Variants in DPP6 observed in about 807,000 individuals in gnomAD.
The protein encoded by DPP6 is A-type potassium channel modulatory protein DPP6.
Under a neutral mutation model 122.6 loss-of-function variants are expected in DPP6, and 69 were observed. That is an observed-to-expected ratio of 0.56 (90% CI 0.46 to 0.69). The LOEUF is 0.69. Among genes scored for constraint, DPP6 ranks in the 30% least tolerant of loss-of-function variants. The probability of loss-of-function intolerance (pLI) is 0.00; values close to 1 mark genes in which losing one functional copy is unlikely to be tolerated. For missense variants in DPP6, 928 were observed against 1,116.9 expected (o/e 0.83, Z 2.41); for synonymous variants, 418 against 433.1 (o/e 0.97, Z 0.43).
intron 1 of DPP6, among the ~76,000 whole-genome samples, chr7:154,422,965 T>C (rs1400232545): frequency 2.0e-5 from 3 of 152,174 alleles, no homozygotes; most frequent in Non-Finnish European, 4.4e-5. Context: ...TCTAGCTGTG[T>C]TGAAGCCCCC....
chr7:154,144,725 T>A (rs563614123), intron 1 of DPP6, among the ~76,000 whole-genome samples: 2 of 152,260 alleles, frequency 1.3e-5, no homozygotes, highest in African/African-American at 4.8e-5. Context: ...TTTTTTAGGG[T>A]TACATGATGT....
At chr7:154,164,180 TCCCTGCCCTG>T (rs541105536) in intron 1 of DPP6, among the ~76,000 whole-genome samples, 2 of 148,412 alleles carry the variant, frequency 1.3e-5, no homozygotes, top group African/African-American at 2.6e-5. Context: ...CTAAGAGTCT[TCCCTGCCCTG>T]CCCTGCCCTG....
At chr7:154,009,593 C>T (rs1265858478) in intron 1 of DPP6, among the ~76,000 whole-genome samples, 1 of 152,062 alleles carries the variant, frequency 6.6e-6, no homozygotes, top group Non-Finnish European at 1.5e-5. Flanking sequence ...TGATGTTCTC[C>T]ACTCTTGTGT....
In DPP6 at chr7:154,893,451, T is replaced by TAAAAAAAAAAAAAAAAAAAAAAAA. The variant is rs775016101; in HGVS notation, c.*971_*972insAAAAAAAAAAAAAAAAAAAAAAAA. 8.2e-5 allele frequency: 5 copies of TAAAAAAAAAAAAAAAAAAAAAAAA among 61,334 alleles called. No homozygotes were observed. The highest frequency in any genetic ancestry group is 2.5e-4 in the African/African-American group (5 of 19,890). 3.8% of individuals were successfully genotyped at this position (61,334 alleles called of 1,614,324 possible). ...CAAGCTCTTTCCCATGACATTTGGT[T>TAAAAAAAAAAAAAAAAAAAAAAAA]TAAAAAAAAAAAAAAAAAAAAAAAA... On this transcript the variant is annotated 3_prime_UTR_variant, in exon 26 of 26. Transcript: ENST00000377770.
intron 1 of DPP6, chr7:154,038,292 A>C (rs1227085516): frequency 9.8e-6 from 1 of 101,822 alleles, no homozygotes; most frequent in East Asian, 3.0e-4. Context: ...CTGGGGAGAT[A>C]CAGGGAGGTA....
At chr7:154,326,970 G>A (rs910416785) in intron 1 of DPP6, among the ~76,000 whole-genome samples, 5 of 152,138 alleles carry the variant, frequency 3.3e-5, no homozygotes, top group East Asian at 1.9e-4. Flanking sequence ...AGAGAGGGAC[G>A]CAAAAAGGCG....
chr7:154,564,410 T>C (rs552442430), intron 4 of DPP6, among the ~76,000 whole-genome samples: 2 of 152,288 alleles, frequency 1.3e-5, no homozygotes, highest in South Asian at 4.1e-4. Context: ...TGTTTACATC[T>C]ACAGGAGGGT....
At chr7:153,804,286 G>C in the DPP6 span, among the ~76,000 whole-genome samples, 6 of 151,766 alleles carry the variant, frequency 4.0e-5, no homozygotes, top group African/African-American at 1.5e-4. Context: ...TCCTGACCTC[G>C]GGTGATCCAC....
chr7:153,913,387 T>TTGGTTTGAG lies in DPP6; in HGVS notation c.51+25654_51+25662dup, dbSNP rs113201047. Among the ~76,000 whole-genome samples the TTGGTTTGAG allele has an allele frequency of 9.8e-3, 1,490 of 152,288 alleles. 31 individuals are homozygous for TTGGTTTGAG. The highest frequency in any genetic ancestry group is 0.034 in the African/African-American group (1,404 of 41,542). On this transcript the variant is annotated intron_variant, in intron 1 of 25. Coordinates refer to the DPP6 transcript ENST00000404039. Reference sequence around the variant, plus strand: ...TGCACCCGGCCAACATATCAATTATTTGGTTTGAGCTAGCTTACAATAAAA... The same window carrying TTGGTTTGAG: ...TGCACCCGGCCAACATATCAATTATTTGGTTTGAGTGGTTTGAGCTAGCTTACAATAAAA...
At chr7:153,950,294 A>C (rs1027189127) in intron 1 of DPP6, among the ~76,000 whole-genome samples, 2 of 152,164 alleles carry the variant, frequency 1.3e-5, no homozygotes, top group Admixed American at 1.3e-4. Context: ...AGATGGCGGC[A>C]TGTAGAAAAA....
Position 154,240,981 on chromosome 7 carries a change from G to A in DPP6, c.243+187918G>A, listed in dbSNP as rs554959156. 5.3e-5 allele frequency among the ~76,000 whole-genome samples: 8 copies of A among 152,190 alleles called. No individual in the cohort carries two copies. In the South Asian group the frequency reaches 8.3e-4, roughly 16 times the overall value. ...TGGACCAATATACTTTGGGTCAAAA[G>A]GTGTGATTTAAGGAATTCAACCTAA... On this transcript the variant is annotated intron_variant, in intron 1 of 25. Transcript: ENST00000377770.
chr7:153,809,552 A>C, the DPP6 span, among the ~76,000 whole-genome samples: 1 of 152,130 alleles, frequency 6.6e-6, no homozygotes, highest in African/African-American at 2.4e-5. Context: ...CTCTTCATCT[A>C]TGCTTCCTAC....
intron 1 of DPP6, among the ~76,000 whole-genome samples, chr7:154,047,022 C>T (rs56684373): frequency 0.018 from 2,658 of 150,520 alleles, 87 homozygotes; most frequent in African/African-American, 0.063. Context: ...CAGGAAAAGA[C>T]GTTGCATTTG....
At chr7:154,734,298 C>T (rs551553986) in intron 8 of DPP6, among the ~76,000 whole-genome samples, 1 of 152,316 alleles carries the variant, frequency 6.6e-6, no homozygotes, top group Non-Finnish European at 1.5e-5. Context: ...TTAAAACTCC[C>T]TGACATACAT....
chr7:154,727,610 T>C (rs998743641), intron 7 of DPP6, among the ~76,000 whole-genome samples, 157 bp from the exon 8 acceptor site: 14 of 152,318 alleles, frequency 9.2e-5, no homozygotes, highest in African/African-American at 3.4e-4. Context: ...CTGTTCGAGG[T>C]GGGTAGACCT....
At chr7:153,840,988 A>G in the DPP6 span, among the ~76,000 whole-genome samples, 610 of 152,342 alleles carry the variant, frequency 4.0e-3, 4 homozygotes, top group African/African-American at 0.014. Context: ...ATGAGCCCCA[A>G]TGAAATAACC....
At position 154,887,669 on chromosome 7, in the gene DPP6, C is replaced by T. The variant is rs146390250; in HGVS notation, c.2246-7C>T. On this transcript the variant is annotated splice_region_variant and splice_polypyrimidine_tract_variant and intron_variant, in intron 22 of 25. Coordinates refer to ENST00000377770, the MANE Select transcript of DPP6 (RefSeq NM_130797.4). The stretch of plus-strand genomic sequence containing the variant: ...GAGGTAACCTCCCTCCCTTTGCTTC[C>T]GTGCAGCCTCTGCGTTTTCCGAGAG... 1.7e-5 allele frequency: 27 copies of T among 1,613,800 alleles called. No individual in the cohort carries two copies. Among genetic ancestry groups the T allele is most frequent in the East Asian group, 4.5e-5 (2 of 44,874 alleles).
chr7:153,897,131 G>C (rs906318523), intron 1 of DPP6, among the ~76,000 whole-genome samples: 1 of 152,192 alleles, frequency 6.6e-6, no homozygotes, highest in Non-Finnish European at 1.5e-5. Context: ...GTGTTGGAAA[G>C]ACAGATATTA....
intron 1 of DPP6, among the ~76,000 whole-genome samples, chr7:154,363,668 T>G (rs1044952110): frequency 4.6e-5 from 7 of 152,214 alleles, no homozygotes; most frequent in African/African-American, 1.4e-4. Flanking sequence ...TTTGCTTGTT[T>G]TGAAAATGTC....
Sources: gnomAD v4.1 joint callset for allele counts (sites outside exome capture counted in the v4.1 genomes callset) on GRCh38, gnomAD v4.1.1 for gene constraint, MANE v1.5 for transcripts, NCBI Gene and HGNC (gene_info 2026-07-23, HGNC 2026-07-21) for gene names.